Variants in SYT17 observed in about 807,000 individuals in gnomAD.
The protein encoded by SYT17 is synaptotagmin 17.
A neutral mutation model predicts 46.7 loss-of-function variants in SYT17; 22 were observed. The ratio of observed to expected loss-of-function variants is 0.47; its 90% confidence interval spans 0.34 to 0.67. The LOEUF (loss-of-function observed/expected upper bound fraction) is 0.67. Ranked by LOEUF, SYT17 falls within the 30% of genes least tolerant of loss-of-function variation. The probability of loss-of-function intolerance (pLI) is 0.01; values close to 1 mark genes in which losing one functional copy is unlikely to be tolerated. For missense variants in SYT17, 519 were observed against 612.8 expected, an observed-to-expected ratio of 0.85 and a Z score of 1.62; for synonymous variants, 251 against 248.4, an observed-to-expected ratio of 1.01 and a Z score of -0.10.
At chr16:19,178,697 C>T (rs940542659) in intron 3 of SYT17, among the ~76,000 whole-genome samples, 19 of 152,134 alleles carry the variant, frequency 1.2e-4, no homozygotes, top group African/African-American at 3.9e-4. Context: ...ACGAGTTTTC[C>T]CATAGGCTTT....
chr16:19,173,406 GC>G (rs990216268), intron 2 of SYT17, 23 bp from the exon 3 acceptor site: 3 of 97,778 alleles, frequency 3.1e-5, no homozygotes, highest in African/African-American at 5.5e-4. Context: ...CCATCCCCCC[GC>G]CCACCTCCCC....
intron 3 of SYT17, among the ~76,000 whole-genome samples, chr16:19,178,551 C>T (rs56350899): frequency 6.6e-6 from 1 of 152,200 alleles, no homozygotes; most frequent in Admixed American, 6.5e-5. Context: ...CTCAGCCTCC[C>T]AAAGTCCTGG....
intron 5 of SYT17, among the ~76,000 whole-genome samples, chr16:19,194,786 C>T (rs532496013): frequency 2.0e-5 from 3 of 152,172 alleles, no homozygotes; most frequent in South Asian, 4.1e-4. Flanking sequence ...TTTGTAGTGA[C>T]GGAGTCTTGC....
intron 5 of SYT17, among the ~76,000 whole-genome samples, chr16:19,186,945 C>T (rs1420694810): frequency 1.3e-5 from 2 of 152,200 alleles, no homozygotes; most frequent in Non-Finnish European, 2.9e-5. Flanking sequence ...GTGGGAAAGA[C>T]AGTTTGGTAA....
At chr16:19,243,818 TCAAA>T (rs1327450232) in intron 7 of SYT17, among the ~76,000 whole-genome samples, 11 of 21,386 alleles carry the variant, frequency 5.1e-4, no homozygotes, top group African/African-American at 1.1e-3. Context: ...AAAAACTCCA[TCAAA>T]AAAAAAAAAA....
chr16:19,255,630 A>T (rs1039108751), intron 7 of SYT17, among the ~76,000 whole-genome samples: 1 of 152,022 alleles, frequency 6.6e-6, no homozygotes, highest in Non-Finnish European at 1.5e-5. Context: ...CTAAAAAAAA[A>T]ATTAATTAGC....
chr16:19,208,953 T>C (rs1052541124), intron 5 of SYT17, among the ~76,000 whole-genome samples: 4 of 134,068 alleles, frequency 3.0e-5, no homozygotes. Flanking sequence ...AGTGCAGTGG[T>C]ACGATCTTGG....
intron 5 of SYT17, among the ~76,000 whole-genome samples, chr16:19,196,682 C>G (rs533930406): frequency 2.0e-4 from 30 of 152,260 alleles, no homozygotes; most frequent in African/African-American, 6.7e-4. Context: ...TCAGCATCTC[C>G]TACCAGAATG....
intron 7 of SYT17, among the ~76,000 whole-genome samples, chr16:19,266,493 C>T (rs1969365531): frequency 6.6e-6 from 1 of 152,202 alleles, no homozygotes; most frequent in Non-Finnish European, 1.5e-5. Context: ...TTGACAGGCT[C>T]ACTGTTCCAC....
chr16:19,183,835 TC>T lies in SYT17; in HGVS notation c.642del (p.Ile215SerfsTer62). 1 of 1,614,122 alleles carries T rather than the reference TC, an allele frequency of 6.2e-7. No homozygotes were observed. The highest frequency in any genetic ancestry group is 8.5e-7 in the Non-Finnish European group (1 of 1,180,032). On this transcript the variant is annotated frameshift_variant, in exon 5 of 8. Coordinates refer to ENST00000355377, the MANE Select transcript of SYT17 (RefSeq NM_016524.4). LOFTEE classifies it high-confidence loss of function. The surrounding 1 kb of genome is among the most constrained non-coding windows in gnomAD (Gnocchi z 5.6). ...RVIEARDLPP[P>X]ISHDGSRQDM... is the part of the protein sequence containing the mutation. Reference sequence around the variant, plus strand: ...TGATCGAGGCCAGGGACCTGCCACCTCCCATCTCCCACGATGGCTCGCGCCA... The same window carrying T: ...TGATCGAGGCCAGGGACCTGCCACCTCCATCTCCCACGATGGCTCGCGCCA...
chr16:19,184,875 A>C (rs1964720563), intron 5 of SYT17, among the ~76,000 whole-genome samples: 1 of 152,190 alleles, frequency 6.6e-6, no homozygotes, highest in Non-Finnish European at 1.5e-5. Context: ...GATGTTTTTC[A>C]GGCCAACTGT....
chr16:19,259,510 G>A (rs1281062265), intron 7 of SYT17, among the ~76,000 whole-genome samples: 1 of 152,114 alleles, frequency 6.6e-6, no homozygotes, highest in Admixed American at 6.6e-5. Context: ...TTGAGTTCTT[G>A]TATCTGTCTG....
chr16:19,201,627 A>G (rs1242201796), intron 5 of SYT17, among the ~76,000 whole-genome samples: 1 of 151,238 alleles, frequency 6.6e-6, no homozygotes, highest in African/African-American at 2.4e-5. Context: ...TTCTAAGGGC[A>G]GCAGACATAA....
At chr16:19,173,134 C>T (rs1312677177) in intron 2 of SYT17, 3 of 535,242 alleles carry the variant, frequency 5.6e-6, no homozygotes, top group Non-Finnish European at 9.8e-6. Flanking sequence ...AAACCACCCA[C>T]ATGTCAAGAA....
At chr16:19,243,586 G>A (rs1025996101) in intron 7 of SYT17, among the ~76,000 whole-genome samples, 9 of 152,030 alleles carry the variant, frequency 5.9e-5, no homozygotes, top group Middle Eastern at 3.2e-3. Context: ...TGAGGCTGGC[G>A]GATCACCTGA....
intron 5 of SYT17, among the ~76,000 whole-genome samples, chr16:19,189,036 A>G (rs912637549): frequency 3.3e-5 from 5 of 151,984 alleles, no homozygotes; most frequent in Non-Finnish European, 7.4e-5. Flanking sequence ...ACAGGCGCCC[A>G]CCACCACGCC....
At chr16:19,178,759 T>G (rs1232442475) in intron 3 of SYT17, among the ~76,000 whole-genome samples, 1 of 152,164 alleles carries the variant, frequency 6.6e-6, no homozygotes, top group Non-Finnish European at 1.5e-5. Flanking sequence ...CTACAGCCAT[T>G]ATGGCTTAGG....
chr16:19,204,821 G>A (rs892454601), intron 5 of SYT17, among the ~76,000 whole-genome samples: 3 of 152,040 alleles, frequency 2.0e-5, no homozygotes, highest in African/African-American at 7.2e-5. Context: ...TTAGTTTGCC[G>A]CCTGCTGGAG....
intron 5 of SYT17, among the ~76,000 whole-genome samples, chr16:19,214,504 T>C (rs81107): frequency 0.27 from 40,624 of 151,906 alleles, 5,653 homozygotes; most frequent in African/African-American, 0.32. Context: ...TTGGCCCTCG[T>C]CAGCTTTTAG....
Sources: gnomAD v4.1 joint callset for allele counts (sites outside exome capture counted in the v4.1 genomes callset) on GRCh38, gnomAD v4.1.1 for gene constraint, Gnocchi (gnomAD v3.1) non-coding constraint, MANE v1.5 for transcripts, NCBI Gene and HGNC (gene_info 2026-07-23, HGNC 2026-07-21) for gene names.